Variants in ABCC1 observed in about 807,000 individuals in gnomAD.
ABCC1 encodes multidrug resistance-associated protein 1.
In ABCC1, 83 loss-of-function variants were observed where a neutral mutation model predicts 172.9. The observed-to-expected ratio is 0.48, with a 90% CI of 0.40 to 0.58. The LOEUF (loss-of-function observed/expected upper bound fraction) is 0.58, where lower values mean the gene tolerates loss of function less well. Ranked by LOEUF, ABCC1 falls within the 20% of genes least tolerant of loss-of-function variation. The pLI, the probability that ABCC1 is intolerant of heterozygous loss-of-function variation, is 0.00. For synonymous variants in ABCC1, 937 were observed against 825.2 expected (o/e 1.14, Z -2.32); for missense variants, 1,817 against 2,002.7 (o/e 0.91, Z 1.77).
At chr16:16,068,119 G>A (rs35604) in intron 12 of ABCC1, 37 bp from the exon 13 acceptor site, 1,316,051 of 1,611,314 alleles carry the variant, frequency 0.82, 540,370 homozygotes, top group African/African-American at 0.87. Context: ...ACTCTCACTC[G>A]GGGCACAGCA....
At chr16:15,963,628 CT>C (rs2046184487) in intron 1 of ABCC1, among the ~76,000 whole-genome samples, 1 of 152,216 alleles carries the variant, frequency 6.6e-6, no homozygotes, top group Non-Finnish European at 1.5e-5. Flanking sequence ...GCTGCCGAGG[CT>C]TGGGGCTTGC....
In ABCC1 at chr16:16,083,355, T is replaced by G; in HGVS notation, c.2116-11T>G. 6.2e-7 allele frequency: 1 copy of G among 1,611,824 alleles called. No homozygotes were observed. Among genetic ancestry groups the G allele is most frequent in the South Asian group, 1.1e-5 (1 of 90,960 alleles). On this transcript the variant is annotated splice_polypyrimidine_tract_variant and intron_variant, in intron 16 of 30. Transcript: ENST00000399410. ...GTGTCTGTCTCACCTCGTTCTCCAT[T>G]TGCAACTTAGGGCTCCGTGGCCTAT...
intron 15 of ABCC1, among the ~76,000 whole-genome samples, chr16:16,076,811 A>G (rs1347537299): frequency 3.3e-5 from 5 of 152,068 alleles, no homozygotes; most frequent in African/African-American, 1.2e-4. Flanking sequence ...TCCCCTTGTG[A>G]TGGTAAATGG....
chr16:16,089,842 C>T (rs2051168588), intron 18 of ABCC1, among the ~76,000 whole-genome samples: 1 of 150,036 alleles, frequency 6.7e-6, no homozygotes, highest in African/African-American at 2.5e-5. Flanking sequence ...GACTGTGCCA[C>T]TGCACTCCAG....
At chr16:15,983,745 G>C (rs35418200) in intron 1 of ABCC1, among the ~76,000 whole-genome samples, 20,595 of 151,098 alleles carry the variant, frequency 0.14, 1,530 homozygotes, top group Middle Eastern at 0.16. Context: ...TATTGGAGAC[G>C]GGGTTTCATC....
chr16:16,047,857 C>CGCATGTGT (rs1272048515), intron 9 of ABCC1, among the ~76,000 whole-genome samples: 1 of 150,788 alleles, frequency 6.6e-6, no homozygotes, highest in Non-Finnish European at 1.5e-5. Context: ...AAAACCCGGC[C>CGCATGTGT]GCATGTGTGC....
chr16:16,014,220 TGGA>T (rs1420452072), intron 3 of ABCC1, among the ~76,000 whole-genome samples: 2 of 152,088 alleles, frequency 1.3e-5, no homozygotes, highest in African/African-American at 4.8e-5. Flanking sequence ...CCAAGGCAAG[TGGA>T]TCACCTGAGG....
In ABCC1 at chr16:16,064,697, G is replaced by A. The variant is rs573617895; in HGVS notation, c.1678-3459G>A. Among the ~76,000 whole-genome samples the A allele has an allele frequency of 4.6e-5, 7 of 152,240 alleles. No individual in the cohort carries two copies. In the South Asian group the frequency reaches 1.5e-3, roughly 32 times the overall value. The stretch of plus-strand genomic sequence containing the variant: ...GCCCTCAGGCAAATTCACCTACCCC[G>A]TCCCCACCCATTTATCCACTCCCAC... On this transcript the variant is annotated intron_variant, in intron 12 of 30. Transcript: ENST00000399410.
rs538334430 is a variant in ABCC1, at chr16:16,087,082, C to T, written c.2460+91C>T. The stretch of plus-strand genomic sequence containing the variant: ...CCCCTTTAGGAGTCCTTTACTTTCT[C>T]TGGCTTTCTTTGTTTTTAATTGGAC... On this transcript the variant is annotated intron_variant, in intron 18 of 30. Coordinates refer to ENST00000399410, the MANE Select transcript of ABCC1 (RefSeq NM_004996.4). 4.3e-6 allele frequency: 6 copies of T among 1,405,128 alleles called. No individual in the cohort carries two copies. The Admixed American group carries it at 1.4e-4, about 34-fold the overall frequency. The allele number at this position is 1,405,128 out of a possible 1,614,324, so 87.0% of individuals were successfully genotyped here. A position where few individuals can be genotyped will look rare whatever the true frequency, so the allele number is the denominator to read the frequency against.
intron 19 of ABCC1, among the ~76,000 whole-genome samples, chr16:16,102,131 C>A (rs947443981): frequency 6.6e-6 from 1 of 152,238 alleles, no homozygotes; most frequent in African/African-American, 2.4e-5. Context: ...GAAGGGTTAA[C>A]TCCTGGCACT....
At chr16:16,002,042 T>G (rs2047332871) in intron 1 of ABCC1, among the ~76,000 whole-genome samples, 1 of 152,312 alleles carries the variant, frequency 6.6e-6, no homozygotes, top group South Asian at 2.1e-4. Context: ...ATCAACACTC[T>G]TGCTTGAGTG....
intron 1 of ABCC1, among the ~76,000 whole-genome samples, chr16:15,974,038 A>AG (rs2046429905): frequency 6.6e-6 from 1 of 152,138 alleles, no homozygotes; most frequent in Admixed American, 6.5e-5. Context: ...GAGACTGGTG[A>AG]GGACACAGCT....
intron 1 of ABCC1, among the ~76,000 whole-genome samples, chr16:15,976,853 A>C (rs781158469): frequency 2.6e-5 from 4 of 152,176 alleles, no homozygotes; most frequent in Non-Finnish European, 4.4e-5. Flanking sequence ...ACTGAAAGCC[A>C]GAGAGATTGG....
chr16:16,126,301 C>T (rs2045430795), intron 26 of ABCC1, among the ~76,000 whole-genome samples: 1 of 152,180 alleles, frequency 6.6e-6, no homozygotes, highest in African/African-American at 2.4e-5. Flanking sequence ...CTTCAACAGA[C>T]AGATAAACAG....
intron 26 of ABCC1, among the ~76,000 whole-genome samples, chr16:16,131,036 G>A (rs927810234): frequency 4.6e-5 from 7 of 152,046 alleles, no homozygotes; most frequent in African/African-American, 1.7e-4. Context: ...CAGGAGAGTC[G>A]CTTGAACCTG....
rs562814045 is a variant in ABCC1, at chr16:16,078,435, C to T, written c.1989-917C>T. ...ATAGAGACATCTTCCTGAAATTCAA[C>T]TCAGATTTATTCATATGCGTTTCCC... On this transcript the variant is annotated intron_variant, in intron 15 of 30. Coordinates refer to ENST00000399410, the MANE Select transcript of ABCC1 (RefSeq NM_004996.4). Among the ~76,000 whole-genome samples the T allele has an allele frequency of 2.0e-5, 3 of 152,318 alleles. No homozygotes were observed. The South Asian group carries it at 6.2e-4, about 32-fold the overall frequency.
At chr16:16,009,655 C>T in intron 2 of ABCC1, 121 bp from the exon 3 acceptor site, 1 of 1,079,942 alleles carries the variant, frequency 9.3e-7, no homozygotes, top group South Asian at 1.8e-5. Context: ...TGTCCTAGGA[C>T]TGTGGCTGAT....
chr16:16,010,036 C>CTTTTTTTTTTTTTTTT, intron 3 of ABCC1, 135 bp downstream of exon 3: 1 of 116,678 alleles, frequency 8.6e-6, no homozygotes, highest in African/African-American at 1.4e-4. Context: ...TTAAATGTAG[C>CTTTTTTTTTTTTTTTT]CTTTTTTTTT....
chr16:16,117,038 A>C (rs1299614519), intron 23 of ABCC1, among the ~76,000 whole-genome samples: 2 of 152,186 alleles, frequency 1.3e-5, no homozygotes, highest in Non-Finnish European at 2.9e-5. Flanking sequence ...GGATTTCATC[A>C]CACTACTCAG....
Sources: allele counts gnomAD v4.1 joint callset (sites outside exome capture counted in the v4.1 genomes callset), GRCh38; gene constraint gnomAD v4.1.1; transcripts MANE v1.5; gene names NCBI Gene and HGNC (gene_info 2026-07-23, HGNC 2026-07-21).